Variants in GDF1 observed in about 807,000 individuals in gnomAD.
GDF1 encodes the protein growth differentiation factor 1.
In GDF1, 8 loss-of-function variants were observed where a neutral mutation model predicts 7.4. The observed-to-expected ratio is 1.09, with a 90% CI of 0.64 to 1.96. The LOEUF is 1.96. Ranked by LOEUF, GDF1 falls within the 30% of genes most tolerant of loss-of-function variation. GDF1 has a pLI of 0.00. For synonymous variants in GDF1, 311 were observed against 276.7 expected, an observed-to-expected ratio of 1.12 and a Z score of -1.23; for missense variants, 574 against 551.5, an observed-to-expected ratio of 1.04 and a Z score of -0.41.
At position 18,878,576 on chromosome 19, in the gene GDF1, GGTC is replaced by G; in HGVS notation, c.-313+351_-313+353del. 9.1e-7 allele frequency: 1 copy of G among 1,093,348 alleles called. No homozygotes were observed. The highest frequency in any genetic ancestry group is 7.3e-5 in the East Asian group (1 of 13,758). 67.7% of individuals were successfully genotyped at this position (1,093,348 alleles called of 1,614,324 possible). On this transcript the variant is annotated intron_variant, in intron 6 of 7. Coordinates refer to ENST00000247005, the MANE Select transcript of GDF1 (RefSeq NM_001492.6). The surrounding 1 kb of genome is among the most constrained non-coding windows in gnomAD (Gnocchi z 4.6). The stretch of plus-strand genomic sequence containing the variant: ...AGCTCCAGTGGCGACATGGGTCAGA[GGTC>G]GTCATCCAGGCTGGCCAGCAACTAC...
intron 3 of GDF1, among the ~76,000 whole-genome samples, chr19:18,883,591 G>A (rs750665378): frequency 9.9e-5 from 15 of 152,216 alleles, no homozygotes; most frequent in Non-Finnish European, 1.8e-4. Flanking sequence ...TCGTTTGTAT[G>A]TGAAGGCTTT....
intron 4 of GDF1, among the ~76,000 whole-genome samples, chr19:18,879,668 T>C (rs2056150340): frequency 1.2e-5 from 1 of 86,726 alleles, no homozygotes; most frequent in Admixed American, 1.4e-4. Context: ...CCTCCCCTTC[T>C]CTGCTAGGCC....
chr19:18,880,854 C>T (rs2056187360), intron 3 of GDF1, among the ~76,000 whole-genome samples: 1 of 152,076 alleles, frequency 6.6e-6, no homozygotes, highest in Non-Finnish European at 1.5e-5. Flanking sequence ...AGCAACACCA[C>T]ACACGGCTAA....
At chr19:18,888,696 A>G (rs1212647751) in intron 2 of GDF1, among the ~76,000 whole-genome samples, 1 of 147,870 alleles carries the variant, frequency 6.8e-6, no homozygotes, top group Non-Finnish European at 1.5e-5. Context: ...CGGGTGTGGT[A>G]GTACATGCCT....
Position 18,895,783 on chromosome 19 carries a change from C to T in GDF1, c.-1074+41G>A. ...CCAGGTCCCCGGTCCCGGCTTCCCC[C>T]AGTCCGGGGTCCCCTCGTCCCGGCC... On this transcript the variant is annotated intron_variant, in intron 1 of 7. Transcript: ENST00000247005. The surrounding 1 kb of genome is among the most constrained non-coding windows in gnomAD (Gnocchi z 6.4). The T allele has an allele frequency of 8.9e-7, 1 of 1,125,202 alleles. No homozygotes were observed. Among genetic ancestry groups the T allele is most frequent in the South Asian group, 2.5e-5 (1 of 39,290 alleles). The allele number at this position is 1,125,202 out of a possible 1,614,324, so 69.7% of individuals were successfully genotyped here. A position where few individuals can be genotyped will look rare whatever the true frequency, so the allele number is the denominator to read the frequency against.
At chr19:18,889,777 A>G (rs558458607) in intron 2 of GDF1, among the ~76,000 whole-genome samples, 14 of 151,790 alleles carry the variant, frequency 9.2e-5, no homozygotes, top group African/African-American at 3.4e-4. Flanking sequence ...GGGACACTCA[A>G]TGCCACCCCT....
At position 18,870,056 on chromosome 19, in the gene GDF1, C is replaced by T. The variant is rs1167550163; in HGVS notation, c.252G>A (p.Gly84=). 1.3e-6 allele frequency: 2 copies of T among 1,589,918 alleles called. No individual in the cohort carries two copies. The highest frequency in any genetic ancestry group is 1.1e-5 in the South Asian group (1 of 88,306). Residue 84 remains glycine (G), a synonymous_variant, in exon 7 of 8, where the codon GGG becomes GGA. Coordinates refer to ENST00000247005, the MANE Select transcript of GDF1 (RefSeq NM_001492.6). This position sits in a 1 kb window ranked among gnomAD's most constrained non-coding sequence, Gnocchi z 5.1. ...CCACGTGGCACGGTTGCAGGGTGACCCCTGGGGACGTCCGCCGCGAGCCAG... is the reference window on the plus strand; with the variant it reads ...CCACGTGGCACGGTTGCAGGGTGACTCCTGGGGACGTCCGCCGCGAGCCAG... ...TRSGSRRTSP[G]VTLQPCHVEE...
Position 18,870,122 on chromosome 19 carries a change from C to A in GDF1, c.186G>T (p.Met62Ile). ...GGTCCCGGCGTCGAAACAGGCGCCA[C>A]ATGACCGGGGGAACCGGCCGGAGCC... The part of the protein sequence containing the change: ...APRLRPVPPV[M>I]WRLFRRRDPQ... The change falls in exon 7 of 8, where the codon ATG (methionine) becomes ATT (isoleucine). Residue 62 changes from methionine to isoleucine, a missense_variant. Transcript: ENST00000247005. This position sits in a 1 kb window ranked among gnomAD's most constrained non-coding sequence, Gnocchi z 5.1. 6.4e-7 allele frequency: 1 copy of A among 1,567,354 alleles called. No individual in the cohort carries two copies. The highest frequency in any genetic ancestry group is 1.7e-4 in the Middle Eastern group (1 of 5,876).
intron 6 of GDF1, among the ~76,000 whole-genome samples, chr19:18,871,892 GAC>G (rs754322392): frequency 3.3e-5 from 5 of 152,176 alleles, no homozygotes; most frequent in Non-Finnish European, 5.9e-5. Context: ...AAACCTCCGT[GAC>G]ACACTGTCCC....
In GDF1 at chr19:18,878,363, G is replaced by A. The variant is rs960356267; in HGVS notation, c.-313+567C>T. On this transcript the variant is annotated intron_variant, in intron 6 of 7. Coordinates refer to ENST00000247005, the MANE Select transcript of GDF1 (RefSeq NM_001492.6). This position sits in a 1 kb window ranked among gnomAD's most constrained non-coding sequence, Gnocchi z 4.6. ...CTGTCACCCAGGGCTGGTGAGGCTC[G>A]TGGGCTATCTCCTTCCCCAGGACTC... is the stretch of plus-strand genomic sequence containing the variant. 8.1e-6 allele frequency: 8 copies of A among 986,200 alleles called. No individual in the cohort carries two copies. Among genetic ancestry groups the A allele is most frequent in the South Asian group, 4.7e-5 (1 of 21,336 alleles). 61.1% of individuals were successfully genotyped at this position (986,200 alleles called of 1,614,324 possible).
chr19:18,871,038 G>C (rs983047128), intron 6 of GDF1, among the ~76,000 whole-genome samples: 6 of 151,420 alleles, frequency 4.0e-5, no homozygotes, highest in African/African-American at 1.2e-4. Context: ...GACTCCAGTG[G>C]CCCTGGCTGG....
chr19:18,873,773 G>A (rs1258419674), intron 6 of GDF1, among the ~76,000 whole-genome samples: 5 of 150,136 alleles, frequency 3.3e-5, no homozygotes, highest in East Asian at 2.0e-4. Context: ...CCTGGAAGGC[G>A]GAGGTTGCAG....
At chr19:18,880,473 C>T in intron 3 of GDF1, 38 bp from the exon 4 acceptor site, 1 of 1,533,672 alleles carries the variant, frequency 6.5e-7, no homozygotes, top group East Asian at 2.4e-5. Flanking sequence ...GGGCAGCTCA[C>T]ATTGGGGGAC....
At chr19:18,872,799 G>A (rs2055998216) in intron 6 of GDF1, among the ~76,000 whole-genome samples, 1 of 151,556 alleles carries the variant, frequency 6.6e-6, no homozygotes, top group African/African-American at 2.4e-5. Flanking sequence ...ACAGGCGTGA[G>A]CGCCGCGCCT....
chr19:18,873,155 A>G (rs930682170), intron 6 of GDF1, among the ~76,000 whole-genome samples: 1 of 152,116 alleles, frequency 6.6e-6, no homozygotes, highest in African/African-American at 2.4e-5. Context: ...ACACCGATAG[A>G]CTAGTGTTGA....
chr19:18,875,660 T>G (rs1395209991), intron 6 of GDF1, among the ~76,000 whole-genome samples: 1 of 152,212 alleles, frequency 6.6e-6, no homozygotes, highest in African/African-American at 2.4e-5. Context: ...CCTCGGCCTT[T>G]GTGGCCACGT....
rs902908186 is a variant in GDF1, at chr19:18,895,362, C to T, written c.-1074+462G>A. Among the ~76,000 whole-genome samples, 1 of 152,226 alleles carries T rather than the reference C, an allele frequency of 6.6e-6. No individual in the cohort carries two copies. The highest frequency in any genetic ancestry group is 2.4e-5 in the African/African-American group (1 of 41,470). On this transcript the variant is annotated intron_variant, in intron 1 of 7. Coordinates refer to ENST00000247005, the MANE Select transcript of GDF1 (RefSeq NM_001492.6). This position sits in a 1 kb window ranked among gnomAD's most constrained non-coding sequence, Gnocchi z 6.4. ...ATGGCAGGGAGGCGCATGGCGCAGG[C>T]CGCGGTGCGCCGAGCCCTCCCGTTC...
Position 18,870,092 on chromosome 19 carries a change from C to T in GDF1, c.216G>A (p.Gln72=). The change falls in exon 7 of 8, where the codon CAG becomes CAA. Residue 72 remains glutamine (Q), a synonymous_variant. Transcript: ENST00000247005. This position sits in a 1 kb window ranked among gnomAD's most constrained non-coding sequence, Gnocchi z 5.1. ...TCCGCCGCGAGCCAGACCTGGTCTC[C>T]TGGGGGTCCCGGCGTCGAAACAGGC... ...MWRLFRRRDP[Q]ETRSGSRRTS... The T allele has an allele frequency of 3.8e-6, 6 of 1,574,760 alleles. No individual in the cohort carries two copies. Among genetic ancestry groups the T allele is most frequent in the Non-Finnish European group, 5.2e-6 (6 of 1,164,636 alleles).
Position 18,895,397 on chromosome 19 carries a change from G to A in GDF1, c.-1074+427C>T, listed in dbSNP as rs2056600724. Among the ~76,000 whole-genome samples, 1 of 152,172 alleles carries A rather than the reference G, an allele frequency of 6.6e-6. No individual in the cohort carries two copies. The highest frequency in any genetic ancestry group is 1.5e-5 in the Non-Finnish European group (1 of 68,014). On this transcript the variant is annotated intron_variant, in intron 1 of 7. Coordinates refer to ENST00000247005, the MANE Select transcript of GDF1 (RefSeq NM_001492.6). The surrounding 1 kb of genome is among the most constrained non-coding windows in gnomAD (Gnocchi z 6.4). ...CCGAGCCCTCCCGTTCCCGGTCCTGGGCTTCTCAGTGTCTGGCTCGGCCCT... is the reference window on the plus strand; with the variant it reads ...CCGAGCCCTCCCGTTCCCGGTCCTGAGCTTCTCAGTGTCTGGCTCGGCCCT...
Sources: allele counts gnomAD v4.1 joint callset (sites outside exome capture counted in the v4.1 genomes callset), GRCh38; gene constraint gnomAD v4.1.1; non-coding constraint Gnocchi (gnomAD v3.1); transcripts MANE v1.5; gene names NCBI Gene and HGNC (gene_info 2026-07-23, HGNC 2026-07-21).